Variants in DLG2 observed in about 807,000 individuals in gnomAD.
The protein encoded by DLG2 is discs large MAGUK scaffold protein 2.
Under a neutral mutation model 132.5 loss-of-function variants are expected in DLG2, and 45 were observed. The observed-to-expected ratio is 0.34, with a 90% confidence interval of 0.27 to 0.44. DLG2 has a LOEUF of 0.44. DLG2 is among the 20% of genes least tolerant of loss of function. The pLI is 1.00. For synonymous variants in DLG2, 424 were observed against 419.6 expected (o/e 1.01, Z -0.13); for missense variants, 1,045 against 1,196.9 (o/e 0.87, Z 1.87).
chr11:84,438,530 G>C (rs2099008007), intron 7 of DLG2, among the ~76,000 whole-genome samples: 2 of 152,152 alleles, frequency 1.3e-5, no homozygotes, highest in South Asian at 2.1e-4. Flanking sequence ...GTGTTCAGTG[G>C]ATGACTGAAA....
At chr11:85,196,967 C>G (rs2081116544) in intron 4 of DLG2, among the ~76,000 whole-genome samples, 1 of 152,128 alleles carries the variant, frequency 6.6e-6, no homozygotes, top group South Asian at 2.1e-4. Flanking sequence ...AATTTTGGCA[C>G]CTTATATTCC....
In DLG2 at chr11:85,538,110, C is replaced by T. The variant is rs939972820; in HGVS notation, c.40+60547G>A. On this transcript the variant is annotated intron_variant, in intron 3 of 27. Coordinates refer to ENST00000376104, the MANE Select transcript of DLG2 (RefSeq NM_001142699.3). Reference sequence around the variant, plus strand: ...CAGCCTGGGTGACAGAGCGAGACTCCGTCTCAAAAAATAATAAAAAATTAA... The same window carrying T: ...CAGCCTGGGTGACAGAGCGAGACTCTGTCTCAAAAAATAATAAAAAATTAA... Among the ~76,000 whole-genome samples, 21 of 151,486 alleles carry T rather than the reference C, an allele frequency of 1.4e-4. 1 individual carries two copies. The highest frequency in any genetic ancestry group is 3.7e-4 in the African/African-American group (15 of 41,002).
chr11:83,488,868 A>G (rs1343181061), intron 21 of DLG2, among the ~76,000 whole-genome samples: 1 of 152,050 alleles, frequency 6.6e-6, no homozygotes, highest in Non-Finnish European at 1.5e-5. Flanking sequence ...ACACACATAA[A>G]AAGAGAACTT....
intron 6 of DLG2, among the ~76,000 whole-genome samples, chr11:84,688,686 C>G (rs1595791245): frequency 6.6e-6 from 1 of 152,168 alleles, no homozygotes; most frequent in East Asian, 1.9e-4. Context: ...AAATCTGGCT[C>G]TCTCTGCCTA....
At chr11:84,695,073 T>A (rs988626922) in intron 6 of DLG2, among the ~76,000 whole-genome samples, 42 of 151,550 alleles carry the variant, frequency 2.8e-4, no homozygotes, top group Admixed American at 1.8e-3. Context: ...TAAAAAAATA[T>A]GCTTCGGTAA....
intron 20 of DLG2, among the ~76,000 whole-genome samples, chr11:83,535,954 C>T (rs1429459683): frequency 6.6e-6 from 1 of 152,172 alleles, no homozygotes; most frequent in African/African-American, 2.4e-5. Flanking sequence ...AACATACATT[C>T]TCTGACAGCT....
intron 3 of DLG2, among the ~76,000 whole-genome samples, chr11:85,523,958 A>T (rs1341494844): frequency 6.6e-6 from 1 of 152,204 alleles, no homozygotes; most frequent in Non-Finnish European, 1.5e-5. Flanking sequence ...GGAGGTCATT[A>T]CGTAAAGTTA....
At chr11:84,966,005 T>C (rs1305012747) in intron 6 of DLG2, among the ~76,000 whole-genome samples, 1 of 152,066 alleles carries the variant, frequency 6.6e-6, no homozygotes, top group Admixed American at 6.6e-5. Context: ...TTCGAAGGAC[T>C]TGGAGAAAGA....
intron 7 of DLG2, among the ~76,000 whole-genome samples, chr11:84,298,785 G>A (rs1475220828): frequency 2.6e-5 from 4 of 152,308 alleles, no homozygotes; most frequent in African/African-American, 9.6e-5. Context: ...GAGAGAGAGA[G>A]AAAAGCATGA....
At chr11:85,144,670 GA>G (rs2076727024) in intron 5 of DLG2, among the ~76,000 whole-genome samples, 1 of 151,508 alleles carries the variant, frequency 6.6e-6, no homozygotes, top group Admixed American at 6.6e-5. Context: ...CAACCTAACT[GA>G]TTTCAGAAAC....
intron 6 of DLG2, among the ~76,000 whole-genome samples, chr11:84,669,611 A>G (rs985074695): frequency 1.3e-5 from 2 of 152,204 alleles, no homozygotes; most frequent in Admixed American, 6.5e-5. Flanking sequence ...CAAATAACAC[A>G]GTAAAGATTC....
At chr11:84,956,242 C>A (rs1425094814) in intron 6 of DLG2, among the ~76,000 whole-genome samples, 3 of 152,066 alleles carry the variant, frequency 2.0e-5, no homozygotes, top group Non-Finnish European at 2.9e-5. Flanking sequence ...TTCTAAAAAT[C>A]AACATTGGGG....
intron 3 of DLG2, among the ~76,000 whole-genome samples, chr11:85,528,341 C>G (rs917783614): frequency 6.6e-6 from 1 of 152,034 alleles, no homozygotes; most frequent in Non-Finnish European, 1.5e-5. Context: ...AGTCTTTAAC[C>G]CATCTTGAGT....
chr11:85,478,616 G>A (rs2093209118), intron 3 of DLG2, among the ~76,000 whole-genome samples: 1 of 152,096 alleles, frequency 6.6e-6, no homozygotes, highest in Non-Finnish European at 1.5e-5. Context: ...ACTACTCTGA[G>A]GCTGAGTTTG....
At chr11:85,459,117 T>G (rs1205182426) in intron 3 of DLG2, among the ~76,000 whole-genome samples, 1 of 152,146 alleles carries the variant, frequency 6.6e-6, no homozygotes. Context: ...AAGAGCAGCT[T>G]GCTGGAGGTG....
At chr11:84,535,695 C>T (rs567676083) in intron 6 of DLG2, among the ~76,000 whole-genome samples, 1 of 152,276 alleles carries the variant, frequency 6.6e-6, no homozygotes, top group Admixed American at 6.5e-5. Context: ...TCCCTTGGAT[C>T]TGTCCCTTTA....
chr11:84,319,373 G>A (rs1266920851), intron 7 of DLG2, among the ~76,000 whole-genome samples: 1 of 152,206 alleles, frequency 6.6e-6, no homozygotes, highest in African/African-American at 2.4e-5. Flanking sequence ...TCTCAAATGA[G>A]AATGTCGGAA....
At chr11:84,651,183 T>C (rs956532473) in intron 6 of DLG2, among the ~76,000 whole-genome samples, 6 of 152,050 alleles carry the variant, frequency 3.9e-5, no homozygotes, top group Non-Finnish European at 8.8e-5. Flanking sequence ...CCATCTTCTT[T>C]AGAGCATCCT....
chr11:83,566,712 G>GGTGTGTGTGTGTGT (rs59829516), intron 19 of DLG2, among the ~76,000 whole-genome samples: 82 of 144,036 alleles, frequency 5.7e-4, no homozygotes, highest in African/African-American at 1.8e-3. Context: ...CAGAGGGCAT[G>GGTGTGTGTGTGTGT]GTGTGTGTGT....
Sources: gnomAD v4.1 joint callset for allele counts (sites outside exome capture counted in the v4.1 genomes callset) on GRCh38, gnomAD v4.1.1 for gene constraint, MANE v1.5 for transcripts, NCBI Gene and HGNC (gene_info 2026-07-23, HGNC 2026-07-21) for gene names.